The following ZBTB10 variants were observed in gnomAD, a reference collection of about 807,000 sequenced individuals.
ZBTB10 encodes zinc finger and BTB domain containing 10, also known as zinc finger and BTB domain-containing protein 10.
In ZBTB10, 32 loss-of-function variants were observed where a neutral mutation model predicts 76.4. The observed-to-expected ratio is 0.42, with a 90% CI of 0.32 to 0.56. ZBTB10 has a LOEUF of 0.56. Among genes scored for constraint, ZBTB10 ranks in the 20% least tolerant of loss-of-function variants. The probability of loss-of-function intolerance (pLI) is 0.14; values close to 1 mark genes in which losing one functional copy is unlikely to be tolerated. For missense variants in ZBTB10, 1,057 were observed against 1,098.5 expected, an observed-to-expected ratio of 0.96 and a Z score of 0.53; for synonymous variants, 523 against 432.9, an observed-to-expected ratio of 1.21 and a Z score of -2.58.
At position 80,486,294 on chromosome 8, in the gene ZBTB10, T is replaced by G; in HGVS notation, c.-517T>G. 8.9e-6 allele frequency: 9 copies of G among 1,012,448 alleles called. No homozygotes were observed. The highest frequency in any genetic ancestry group is 1.7e-5 in the African/African-American group (1 of 57,496). 62.7% of individuals were successfully genotyped at this position (1,012,448 alleles called of 1,614,324 possible). ...CTCCGCCGGCTTTATTGTCGCTTCG[T>G]TATGTGGCGGAGCCGAGCAGTTTAG... On this transcript the variant is annotated 5_prime_UTR_variant, in exon 1 of 6. Coordinates refer to ENST00000455036, the MANE Select transcript of ZBTB10 (RefSeq NM_001105539.3).
chr8:80,519,014 T>C (rs1816396219), intron 5 of ZBTB10, 60 bp downstream of exon 5: 3 of 1,504,058 alleles, frequency 2.0e-6, no homozygotes, highest in Non-Finnish European at 2.7e-6. Flanking sequence ...CAGTGAAGTT[T>C]AAAGGGATTT....
rs1160905055 is a variant in ZBTB10, at chr8:80,487,193, G to C, written c.383G>C (p.Gly128Ala). The change falls in exon 1 of 6, where the codon GGC becomes GCC. Residue 128 changes from glycine (G) to alanine (A), a missense_variant. Physicochemically the swap from Gly to Ala is moderately conservative, Grantham distance 60. Transcript: ENST00000455036. ...RNRRTLAFRG[G>A]GGGGLGNNGS... Reference sequence around the variant, plus strand: ...CGTCGGACTCTGGCCTTCCGAGGCGGCGGCGGCGGGGGTCTCGGCAACAAT... The same window carrying C: ...CGTCGGACTCTGGCCTTCCGAGGCGCCGGCGGCGGGGGTCTCGGCAACAAT... 1 of 1,539,406 alleles carries C rather than the reference G, an allele frequency of 6.5e-7. No individual in the cohort carries two copies. Among genetic ancestry groups the C allele is most frequent in the Non-Finnish European group, 8.7e-7 (1 of 1,144,796 alleles).
chr8:80,519,411 A>G lies in ZBTB10; in HGVS notation c.2499A>G (p.Glu833=). The change falls in exon 6 of 6, where the codon GAA becomes GAG. Residue 833 remains glutamate, a synonymous_variant. Coordinates refer to ENST00000455036, the MANE Select transcript of ZBTB10 (RefSeq NM_001105539.3). The stretch of plus-strand genomic sequence containing the variant: ...ATACAGAATTCCCTCGGGATGAAGA[A>G]TACGAGGAGAATGAAGTAGGAGAAG... ...GQDTEFPRDE[E]YEENEVGEAD... is the part of the protein sequence containing the mutation. 6.2e-7 allele frequency: 1 copy of G among 1,612,880 alleles called. No individual in the cohort carries two copies. The highest frequency in any genetic ancestry group is 1.7e-4 in the Middle Eastern group (1 of 6,058).
intron 2 of ZBTB10, among the ~76,000 whole-genome samples, chr8:80,511,254 T>C (rs1302195775): frequency 1.3e-5 from 2 of 152,200 alleles, no homozygotes; most frequent in African/African-American, 4.8e-5. Flanking sequence ...GAATTAGAAA[T>C]CACAAATTCT....
At chr8:80,516,351 CATTT>C (rs1816325552) in intron 3 of ZBTB10, among the ~76,000 whole-genome samples, 1 of 152,316 alleles carries the variant, frequency 6.6e-6, no homozygotes, top group East Asian at 1.9e-4. Context: ...TGCTAGATAA[CATTT>C]ATTCTACAAG....
Position 80,519,258 on chromosome 8 carries a change from G to A in ZBTB10, c.2346G>A (p.Val782=). 6.2e-7 allele frequency: 1 copy of A among 1,613,764 alleles called. No individual in the cohort carries two copies. Among genetic ancestry groups the A allele is most frequent in the Non-Finnish European group, 8.5e-7 (1 of 1,179,768 alleles). The change falls in exon 6 of 6, where the codon GTG becomes GTA. Residue 782 remains valine, a synonymous_variant. Transcript: ENST00000455036. ...AGGATAAAAAATACAAATGTATGGTGTGTAAGAAGATCTTCATGTTAGCAG... is the reference window on the plus strand; with the variant it reads ...AGGATAAAAAATACAAATGTATGGTATGTAAGAAGATCTTCATGTTAGCAG... ...HKKDKKYKCM[V]CKKIFMLAAS...
At position 80,487,117 on chromosome 8, in the gene ZBTB10, C is replaced by T. The variant is rs1384841547; in HGVS notation, c.307C>T (p.Pro103Ser). ...ELLLPQDAGG[P>S]TSLGGGAGGP... ...GCTGCTCCCCCAAGACGCGGGCGGC[C>T]CCACCTCGCTTGGCGGTGGCGCGGG... is the stretch of plus-strand genomic sequence containing the variant. Residue 103 changes from proline (P) to serine (S), a missense_variant, in exon 1 of 6, where the codon CCC (proline) becomes TCC (serine). Physicochemically the swap from Pro to Ser is moderately conservative, Grantham distance 74. Around this residue, in one of 5 missense-constraint regions of ZBTB10, gnomAD observed 556 missense variants for 451.7 expected, o/e 1.23. Transcript: ENST00000455036. 2 of 1,518,220 alleles carry T rather than the reference C, an allele frequency of 1.3e-6. No homozygotes were observed. The highest frequency in any genetic ancestry group is 1.4e-5 in the African/African-American group (1 of 70,316). 94.0% of individuals were successfully genotyped at this position (1,518,220 alleles called of 1,614,324 possible). A position where few individuals can be genotyped will look rare whatever the true frequency, so the allele number is the denominator to read the frequency against.
chr8:80,486,405 T>G lies in ZBTB10; in HGVS notation c.-406T>G, dbSNP rs1006393918. The G allele has an allele frequency of 1.5e-4, 143 of 981,110 alleles. No homozygotes were observed. Among genetic ancestry groups the G allele is most frequent in the Non-Finnish European group, 1.7e-4 (139 of 829,270 alleles). The allele number at this position is 981,110 out of a possible 1,614,324, so 60.8% of individuals were successfully genotyped here. On this transcript the variant is annotated 5_prime_UTR_variant, in exon 1 of 6. Transcript: ENST00000455036. ...GGAGGAAGGATATCTGTGTGGAGGA[T>G]CGGTGTGTGCGCGCGCGGCTTTAAA...
At chr8:80,496,853 T>C (rs1815795618) in intron 1 of ZBTB10, among the ~76,000 whole-genome samples, 1 of 152,124 alleles carries the variant, frequency 6.6e-6, no homozygotes, top group Admixed American at 6.5e-5. Flanking sequence ...TGTTGAAAAC[T>C]TTTGCTTCTT....
At position 80,486,472 on chromosome 8, in the gene ZBTB10, T is replaced by A; in HGVS notation, c.-339T>A. On this transcript the variant is annotated 5_prime_UTR_variant, in exon 1 of 6. Transcript: ENST00000455036. ...GTCTCCCCGCACTCCGCTGCTCAAC[T>A]TCGAAGGCCTCGCTCGCTGCAGGCT... The A allele has an allele frequency of 1.0e-6, 1 of 985,058 alleles. No individual in the cohort carries two copies. The highest frequency in any genetic ancestry group is 1.7e-5 in the African/African-American group (1 of 57,244). 61.0% of individuals were successfully genotyped at this position (985,058 alleles called of 1,614,324 possible).
chr8:80,486,267 C>G lies in ZBTB10; in HGVS notation c.-544C>G. 9.8e-7 allele frequency: 1 copy of G among 1,018,362 alleles called. No individual in the cohort carries two copies. Among genetic ancestry groups the G allele is most frequent in the Non-Finnish European group, 1.2e-6 (1 of 852,732 alleles). The allele number at this position is 1,018,362 out of a possible 1,614,324, so 63.1% of individuals were successfully genotyped here. The stretch of plus-strand genomic sequence containing the variant: ...CCGCCAGGGCCTGGTCGGACGGAAA[C>G]GCTCCGCCGGCTTTATTGTCGCTTC... On this transcript the variant is annotated 5_prime_UTR_variant, in exon 1 of 6. Coordinates refer to ENST00000455036, the MANE Select transcript of ZBTB10 (RefSeq NM_001105539.3).
chr8:80,501,194 T>G (rs1341168625), intron 2 of ZBTB10, among the ~76,000 whole-genome samples: 1 of 152,196 alleles, frequency 6.6e-6, no homozygotes, highest in Non-Finnish European at 1.5e-5. Context: ...GTTCTCACCA[T>G]AGAAGCTATT....
At chr8:80,500,709 T>C (rs573308732) in intron 2 of ZBTB10, among the ~76,000 whole-genome samples, 4 of 152,348 alleles carry the variant, frequency 2.6e-5, no homozygotes, top group East Asian at 1.9e-4. Flanking sequence ...TACCCAGTGT[T>C]GGGAAAGATA....
chr8:80,489,187 C>G (rs1815560827), intron 1 of ZBTB10, among the ~76,000 whole-genome samples: 1 of 152,066 alleles, frequency 6.6e-6, no homozygotes, highest in Non-Finnish European at 1.5e-5. Context: ...AATCTGGGTT[C>G]AGATCTCAGC....
intron 2 of ZBTB10, among the ~76,000 whole-genome samples, chr8:80,508,017 ATAG>A (rs1816102486): frequency 1.3e-5 from 2 of 152,244 alleles, no homozygotes; most frequent in African/African-American, 4.8e-5. Flanking sequence ...GGTAGGTGAA[ATAG>A]TAGTCTGCCA....
Position 80,487,187 on chromosome 8 carries a change from G to T in ZBTB10, c.377G>T (p.Arg126Leu), listed in dbSNP as rs1440871395. Residue 126 changes from arginine to leucine, a missense_variant, in exon 1 of 6, where the codon CGA becomes CTA. Physicochemically the swap from Arg to Leu is moderately radical, Grantham distance 102 (BLOSUM62 -2). Coordinates refer to ENST00000455036, the MANE Select transcript of ZBTB10 (RefSeq NM_001105539.3). Reference protein sequence around the residue: ...AERNRRTLAFRGGGGGGLGNN... With the variant: ...AERNRRTLAFLGGGGGGLGNN... ...AGGAACCGTCGGACTCTGGCCTTCC[G>T]AGGCGGCGGCGGCGGGGGTCTCGGC... 6.5e-7 allele frequency: 1 copy of T among 1,536,864 alleles called. No individual in the cohort carries two copies. Among genetic ancestry groups the T allele is most frequent in the Admixed American group, 2.0e-5 (1 of 50,178 alleles).
chr8:80,499,370 G>T, intron 1 of ZBTB10, 124 bp from the exon 2 acceptor site: 1 of 1,094,268 alleles, frequency 9.1e-7, no homozygotes, highest in Non-Finnish European at 1.2e-6. Flanking sequence ...TCCATTTCTT[G>T]ATTACTCACA....
rs373347759 is a variant in ZBTB10 at position 80,487,362 on chromosome 8, C to G, written c.552C>G (p.Thr184=). 5 of 1,527,914 alleles carry G rather than the reference C, an allele frequency of 3.3e-6. 1 individual carries two copies. Among genetic ancestry groups the G allele is most frequent in the East Asian group, 4.9e-5 (2 of 40,578 alleles). The allele number at this position is 1,527,914 out of a possible 1,614,324, so 94.6% of individuals were successfully genotyped here. Residue 184 remains threonine (T), a synonymous_variant, in exon 1 of 6, where the codon ACC becomes ACG. Coordinates refer to ENST00000455036, the MANE Select transcript of ZBTB10 (RefSeq NM_001105539.3). ...ACGGCGCGTCCCTGAGCGACAGCAC[C>G]GAGGACGAGGAGGAGGGGGCGAGCC... The part of the protein sequence containing the change: ...MQDGASLSDS[T]EDEEEGASLG...
At chr8:80,492,896 T>C (rs1488318987) in intron 1 of ZBTB10, among the ~76,000 whole-genome samples, 1 of 152,106 alleles carries the variant, frequency 6.6e-6, no homozygotes, top group Non-Finnish European at 1.5e-5. Flanking sequence ...GGAGGGCATT[T>C]AGGCAGTGCA....
Sources: allele counts gnomAD v4.1 joint callset (sites outside exome capture counted in the v4.1 genomes callset), GRCh38; gene constraint gnomAD v4.1.1; regional missense constraint gnomAD v4.1.1; transcripts MANE v1.5; gene names NCBI Gene and HGNC (gene_info 2026-07-23, HGNC 2026-07-21).